OSBPL3: variants seen among roughly 807,000 people sequenced by gnomAD.
OSBPL3 encodes the protein oxysterol binding protein like 3.
Under a neutral mutation model 120.1 loss-of-function variants are expected in OSBPL3, and 65 were observed. The observed-to-expected ratio is 0.54, with a 90% confidence interval of 0.44 to 0.67. The LOEUF is 0.67. Among genes scored for constraint, OSBPL3 ranks in the 30% least tolerant of loss-of-function variants. The pLI is 0.00. For synonymous variants in OSBPL3, 416 were observed against 402.6 expected (o/e 1.03, Z -0.40); for missense variants, 1,004 against 1,082.1 (o/e 0.93, Z 1.01).
At chr7:24,974,895 G>C (rs1292840489) in intron 1 of OSBPL3, among the ~76,000 whole-genome samples, 1 of 152,164 alleles carries the variant, frequency 6.6e-6, no homozygotes, top group African/African-American at 2.4e-5. Flanking sequence ...TTTTTAGAGG[G>C]TGATAAATGT....
At position 24,883,342 on chromosome 7, in the gene OSBPL3, C is replaced by T. The variant is rs756491991; in HGVS notation, c.96+9035G>A. Among the ~76,000 whole-genome samples the T allele has an allele frequency of 2.6e-5, 4 of 152,174 alleles. No homozygotes were observed. Among genetic ancestry groups the T allele is most frequent in the Admixed American group, 6.5e-5 (1 of 15,280 alleles). ...TGTCCTACTTCTTGCACTGTCACTT[C>T]TGGACCTTTAGTATTTTAATATTAT... On this transcript the variant is annotated intron_variant, in intron 2 of 22. Transcript: ENST00000313367. This position sits in a 1 kb window ranked among gnomAD's most constrained non-coding sequence, Gnocchi z 5.4.
Position 24,842,297 on chromosome 7 carries a change from T to G in OSBPL3, c.1383A>C (p.Pro461=), listed in dbSNP as rs1259525986. 6 of 1,613,238 alleles carry G rather than the reference T, an allele frequency of 3.7e-6. No homozygotes were observed. The highest frequency in any genetic ancestry group is 5.1e-6 in the Non-Finnish European group (6 of 1,179,630). ...CTCAAACCTCGTTTTCTGAAGAGCT[T>G]GGAGATAACAGAACTTCCTGAGCAT... is the stretch of plus-strand genomic sequence containing the variant. ...FFDAQEVLLS[P]SSSENEISDD... The change falls in exon 13 of 23, where the codon CCA becomes CCC. Residue 461 remains proline, a synonymous_variant. Coordinates refer to ENST00000313367, the MANE Select transcript of OSBPL3 (RefSeq NM_015550.4).
intron 1 of OSBPL3, among the ~76,000 whole-genome samples, chr7:24,914,375 G>A (rs1809261946): frequency 6.6e-6 from 1 of 151,858 alleles, no homozygotes. Context: ...TTGCCCCAGT[G>A]AGCACATGAA....
chr7:24,832,632 T>C (rs77189816), intron 15 of OSBPL3, among the ~76,000 whole-genome samples: 1 of 152,030 alleles, frequency 6.6e-6, no homozygotes, highest in Non-Finnish European at 1.5e-5. Context: ...TCCACATTGG[T>C]GACCTGTGAA....
At position 24,804,183 on chromosome 7, in the gene OSBPL3, C is replaced by A; in HGVS notation, c.2567+132G>T. On this transcript the variant is annotated intron_variant, in intron 22 of 22. Coordinates refer to ENST00000313367, the MANE Select transcript of OSBPL3 (RefSeq NM_015550.4). This position sits in a 1 kb window ranked among gnomAD's most constrained non-coding sequence, Gnocchi z 5.4. ...AGGGCCTGGCACAGAGGAGCAGTAC[C>A]CCCACGTGGAAGCAGGAAAAGCCTG... is the stretch of plus-strand genomic sequence containing the variant. The A allele has an allele frequency of 9.8e-7, 1 of 1,024,206 alleles. No homozygotes were observed. Among genetic ancestry groups the A allele is most frequent in the South Asian group, 1.5e-5 (1 of 67,012 alleles). 63.4% of individuals were successfully genotyped at this position (1,024,206 alleles called of 1,614,324 possible). A position where few individuals can be genotyped will look rare whatever the true frequency, so the allele number is the denominator to read the frequency against.
At position 24,946,759 on chromosome 7, in the gene OSBPL3, A is replaced by G. The variant is rs1813778854; in HGVS notation, c.-150+33127T>C. Among the ~76,000 whole-genome samples the G allele has an allele frequency of 6.6e-6, 1 of 152,074 alleles. No homozygotes were observed. The highest frequency in any genetic ancestry group is 2.1e-4 in the South Asian group (1 of 4,826). On this transcript the variant is annotated intron_variant, in intron 1 of 22. Transcript: ENST00000313367. This position sits in a 1 kb window ranked among gnomAD's most constrained non-coding sequence, Gnocchi z 4.3. ...CATTTCTCCCTCCTCTGCTCACATC[A>G]TTTTTTATCATATGCTTTGGATTCA...
intron 1 of OSBPL3, among the ~76,000 whole-genome samples, chr7:24,908,853 C>G (rs926276424): frequency 8.5e-5 from 13 of 152,160 alleles, no homozygotes; most frequent in Admixed American, 2.6e-4. Context: ...AATTTCAGTT[C>G]AACTCTCTTA....
chr7:24,835,847 G>A lies in OSBPL3; in HGVS notation c.1496-1111C>T, dbSNP rs1401473671. 6.6e-6 allele frequency among the ~76,000 whole-genome samples: 1 copy of A among 151,996 alleles called. No homozygotes were observed. The highest frequency in any genetic ancestry group is 1.5e-5 in the Non-Finnish European group (1 of 68,018). On this transcript the variant is annotated intron_variant, in intron 14 of 22. Transcript: ENST00000313367. This position sits in a 1 kb window ranked among gnomAD's most constrained non-coding sequence, Gnocchi z 4.8. ...AAATGCATGTTCTCACTTGTAAAGG[G>A]GTACTAAACGTTAGTTCACATGAAC...
intron 14 of OSBPL3, among the ~76,000 whole-genome samples, chr7:24,838,134 G>T (rs1246289654): frequency 1.3e-5 from 2 of 152,298 alleles, no homozygotes; most frequent in South Asian, 4.1e-4. Flanking sequence ...AGAACTAGGG[G>T]ACACACATTT....
In OSBPL3 at chr7:24,883,721, C is replaced by T. The variant is rs1232836001; in HGVS notation, c.96+8656G>A. 2.0e-5 allele frequency among the ~76,000 whole-genome samples: 3 copies of T among 152,166 alleles called. No homozygotes were observed. Among genetic ancestry groups the T allele is most frequent in the Non-Finnish European group, 4.4e-5 (3 of 68,040 alleles). On this transcript the variant is annotated intron_variant, in intron 2 of 22. Transcript: ENST00000313367. The surrounding 1 kb of genome is among the most constrained non-coding windows in gnomAD (Gnocchi z 5.4). Reference sequence around the variant, plus strand: ...GAAGTGTTTTAAGATTTCAGTTTCTCGTGATCTTCAGAGTGTGGAATGCAG... The same window carrying T: ...GAAGTGTTTTAAGATTTCAGTTTCTTGTGATCTTCAGAGTGTGGAATGCAG...
Position 24,896,424 on chromosome 7 carries a change from G to A in OSBPL3, c.-149-3803C>T, listed in dbSNP as rs1051628375. On this transcript the variant is annotated intron_variant, in intron 1 of 22. Transcript: ENST00000313367. The surrounding 1 kb of genome is among the most constrained non-coding windows in gnomAD (Gnocchi z 4.4). ...TAGTGTTTTGGTTAAAAGTCAAATG[G>A]ACACATGACATGCAAACATAAGCTG... Among the ~76,000 whole-genome samples, 1 of 152,214 alleles carries A rather than the reference G, an allele frequency of 6.6e-6. No homozygotes were observed. Among genetic ancestry groups the A allele is most frequent in the Admixed American group, 6.5e-5 (1 of 15,278 alleles).
At position 24,834,131 on chromosome 7, in the gene OSBPL3, A is replaced by C. The variant is rs1796703407; in HGVS notation, c.1746+355T>G. The C allele has an allele frequency of 9.9e-7, 1 of 1,012,170 alleles. No homozygotes were observed. The highest frequency in any genetic ancestry group is 1.7e-5 in the African/African-American group (1 of 57,882). 62.7% of individuals were successfully genotyped at this position (1,012,170 alleles called of 1,614,324 possible). A position where few individuals can be genotyped will look rare whatever the true frequency, so the allele number is the denominator to read the frequency against. ...TCGAGAAATTAAATTCTGTCCACCC[A>C]GGGAAGTAAAAATAAACATGCAGAC... On this transcript the variant is annotated intron_variant, in intron 15 of 22. Transcript: ENST00000313367. This position sits in a 1 kb window ranked among gnomAD's most constrained non-coding sequence, Gnocchi z 5.2.
intron 2 of OSBPL3, among the ~76,000 whole-genome samples, chr7:24,876,824 C>A (rs186041245): frequency 2.6e-5 from 4 of 152,072 alleles, no homozygotes; most frequent in African/African-American, 9.7e-5. Flanking sequence ...AAAGCAGGAA[C>A]CTTTTCTGTC....
chr7:24,951,525 T>A (rs1315704428), intron 1 of OSBPL3, among the ~76,000 whole-genome samples: 2 of 152,212 alleles, frequency 1.3e-5, no homozygotes, highest in African/African-American at 2.4e-5. Flanking sequence ...GAAAGAAATC[T>A]GGTTTACAAA....
chr7:24,809,071 AC>A (rs534523590), intron 20 of OSBPL3, among the ~76,000 whole-genome samples: 11 of 150,938 alleles, frequency 7.3e-5, no homozygotes, highest in Middle Eastern at 3.4e-3. Context: ...CCCTGGAGCC[AC>A]CCCCCCCACT....
chr7:24,807,939 C>T (rs1793280815), intron 20 of OSBPL3, among the ~76,000 whole-genome samples: 1 of 152,092 alleles, frequency 6.6e-6, no homozygotes, highest in Admixed American at 6.5e-5. Context: ...CTCTGTCCAC[C>T]CAGGCTGGAG....
chr7:24,896,729 A>G lies in OSBPL3; in HGVS notation c.-149-4108T>C, dbSNP rs1053131039. On this transcript the variant is annotated intron_variant, in intron 1 of 22. Coordinates refer to ENST00000313367, the MANE Select transcript of OSBPL3 (RefSeq NM_015550.4). This position sits in a 1 kb window ranked among gnomAD's most constrained non-coding sequence, Gnocchi z 4.4. ...ACAAATGTATTAAGCTCTCTGATTT[A>G]TATTTTTTCCTGTATAAAATGGGGA... Among the ~76,000 whole-genome samples, 27 of 152,282 alleles carry G rather than the reference A, an allele frequency of 1.8e-4. No individual in the cohort carries two copies. Among genetic ancestry groups the G allele is most frequent in the South Asian group, 6.2e-4 (3 of 4,810 alleles).
In OSBPL3 at chr7:24,829,751, T is replaced by G. The variant is rs544772659; in HGVS notation, c.1884+1017A>C. Among the ~76,000 whole-genome samples, 16 of 152,298 alleles carry G rather than the reference T, an allele frequency of 1.1e-4. No individual in the cohort carries two copies. In the South Asian group the frequency reaches 3.1e-3, roughly 30 times the overall value. ...AAATTTGTTATAATTTTAATAAAAT[T>G]TCTTTCTGCATATCTTAGAGGTTTT... On this transcript the variant is annotated intron_variant, in intron 16 of 22. Transcript: ENST00000313367.
rs916923904 is a variant in OSBPL3, at chr7:24,918,503, T to A, written c.-149-25882A>T. Among the ~76,000 whole-genome samples the A allele has an allele frequency of 6.6e-6, 1 of 152,182 alleles. No individual in the cohort carries two copies. Among genetic ancestry groups the A allele is most frequent in the African/African-American group, 2.4e-5 (1 of 41,432 alleles). The stretch of plus-strand genomic sequence containing the variant: ...CAGCTGGATAAACTACTCATGAAAA[T>A]CTTGTGGAAAATACCTCATAATTAA... On this transcript the variant is annotated intron_variant, in intron 1 of 22. Coordinates refer to ENST00000313367, the MANE Select transcript of OSBPL3 (RefSeq NM_015550.4). The surrounding 1 kb of genome is among the most constrained non-coding windows in gnomAD (Gnocchi z 4.3).
Sources: allele counts gnomAD v4.1 joint callset (sites outside exome capture counted in the v4.1 genomes callset), GRCh38; gene constraint gnomAD v4.1.1; non-coding constraint Gnocchi (gnomAD v3.1); transcripts MANE v1.5; gene names NCBI Gene and HGNC (gene_info 2026-07-23, HGNC 2026-07-21).